Variants in CAST observed in about 807,000 individuals in gnomAD.
CAST encodes MIR583 host.
In CAST, 76 loss-of-function variants were observed where a neutral mutation model predicts 119.6. The ratio of observed to expected loss-of-function variants is 0.64; its 90% CI spans 0.53 to 0.77. The LOEUF (loss-of-function observed/expected upper bound fraction) is 0.77. CAST is among the 30% of genes least tolerant of loss of function. The pLI is 0.00. For synonymous variants in CAST, 319 were observed against 331.6 expected, an observed-to-expected ratio of 0.96 and a Z score of 0.41; for missense variants, 953 against 946.5, an observed-to-expected ratio of 1.01 and a Z score of -0.09.
At chr5:96,618,761 C>G (rs1041077543) in intron 1 of CAST, among the ~76,000 whole-genome samples, 1 of 152,176 alleles carries the variant, frequency 6.6e-6, no homozygotes, top group African/African-American at 2.4e-5. Context: ...GGGCAGGGCT[C>G]GGGACCTGCA....
chr5:96,412,499 CAAAAT>C, the CAST span: 4 of 1,612,728 alleles, frequency 2.5e-6, no homozygotes, highest in Non-Finnish European at 2.5e-6. Flanking sequence ...GCCTGAGAAA[CAAAAT>C]AAACAAAGAC....
the CAST span, among the ~76,000 whole-genome samples, chr5:96,202,578 A>G: frequency 6.6e-6 from 1 of 152,136 alleles, no homozygotes; most frequent in Non-Finnish European, 1.5e-5. Flanking sequence ...TAGCAAAACA[A>G]AACAAAACTT....
intron 3 of CAST, among the ~76,000 whole-genome samples, chr5:96,710,282 G>A (rs530376282): frequency 6.6e-6 from 1 of 152,282 alleles, no homozygotes; most frequent in African/African-American, 2.4e-5. Flanking sequence ...ATTGTCACCA[G>A]GAATAGAGCA....
the CAST span, among the ~76,000 whole-genome samples, chr5:96,199,417 T>G: frequency 6.6e-6 from 1 of 152,168 alleles, no homozygotes; most frequent in African/African-American, 2.4e-5. Context: ...CAAATATTCC[T>G]TCACACTAAA....
chr5:96,243,270 G>A, the CAST span, among the ~76,000 whole-genome samples: 1 of 150,156 alleles, frequency 6.7e-6, no homozygotes, highest in Non-Finnish European at 1.5e-5. Context: ...TTTCTCTCTG[G>A]CAATGGAAGT....
the CAST span, among the ~76,000 whole-genome samples, chr5:96,127,732 C>A: frequency 1.3e-5 from 2 of 152,006 alleles, no homozygotes; most frequent in Non-Finnish European, 2.9e-5. Context: ...GCTTTTTTGG[C>A]ATCAAATGCT....
the CAST span, among the ~76,000 whole-genome samples, chr5:95,983,764 G>A: frequency 6.6e-6 from 1 of 152,114 alleles, no homozygotes; most frequent in African/African-American, 2.4e-5. Flanking sequence ...CCTCTAAGGG[G>A]TGCACCTGGG....
the CAST span, among the ~76,000 whole-genome samples, chr5:95,991,501 T>G: frequency 2.1e-5 from 3 of 140,444 alleles, no homozygotes; most frequent in Admixed American, 1.4e-4. Flanking sequence ...AGTTTTGTTT[T>G]TTTTTTTTTT....
intron 2 of CAST, among the ~76,000 whole-genome samples, chr5:96,692,400 AC>A (rs1752827988): frequency 1.3e-5 from 2 of 152,152 alleles, no homozygotes; most frequent in Admixed American, 6.5e-5. Flanking sequence ...CCTGGAAGAA[AC>A]TGATGATCCC....
chr5:96,654,729 T>G (rs1336759931), intron 1 of CAST, among the ~76,000 whole-genome samples: 1 of 152,180 alleles, frequency 6.6e-6, no homozygotes, highest in Non-Finnish European at 1.5e-5. Flanking sequence ...GCATCTGGAT[T>G]TTCAAGAATA....
chr5:96,558,859 A>G (rs886367829), intron 1 of CAST, among the ~76,000 whole-genome samples: 24 of 152,200 alleles, frequency 1.6e-4, no homozygotes, highest in Non-Finnish European at 1.5e-5. Context: ...TCATTTTATG[A>G]GGCCAGCATC....
Position 96,748,502 on chromosome 5 carries a change from ACTT to A in CAST, c.1333-12_1333-10del. 1 of 1,301,162 alleles carries A rather than the reference ACTT, an allele frequency of 7.7e-7. No homozygotes were observed. The highest frequency in any genetic ancestry group is 1.1e-6 in the Non-Finnish European group (1 of 906,036). The allele number at this position is 1,301,162 out of a possible 1,614,324, so 80.6% of individuals were successfully genotyped here. On this transcript the variant is annotated splice_polypyrimidine_tract_variant and intron_variant, in intron 18 of 31. Transcript: ENST00000675179. ...AAAGAGTCCCCTTGTAATATACAGC[ACTT>A]CTTATATTACAGCCTCGGAGTGAAT...
At chr5:96,415,168 A>G in the CAST span, among the ~76,000 whole-genome samples, 2 of 151,928 alleles carry the variant, frequency 1.3e-5, no homozygotes, top group Non-Finnish European at 2.9e-5. Context: ...TACACTTTCC[A>G]CTCTTCTCCA....
the CAST span, among the ~76,000 whole-genome samples, chr5:96,154,677 C>A: frequency 6.6e-6 from 1 of 152,284 alleles, no homozygotes; most frequent in East Asian, 1.9e-4. Context: ...CAGACTTTTC[C>A]TGTGTTTGAT....
chr5:96,201,123 C>A, the CAST span, among the ~76,000 whole-genome samples: 2 of 151,840 alleles, frequency 1.3e-5, no homozygotes, highest in Non-Finnish European at 1.5e-5. Context: ...GAATTATCTG[C>A]AATAAAATGA....
At chr5:96,727,994 G>C (rs987960732) in intron 6 of CAST, among the ~76,000 whole-genome samples, 1 of 152,100 alleles carries the variant, frequency 6.6e-6, no homozygotes, top group Non-Finnish European at 1.5e-5. Flanking sequence ...TACCTCAGTT[G>C]GTGGAGCTAG....
At chr5:96,496,395 G>A in the CAST span, among the ~76,000 whole-genome samples, 3 of 152,036 alleles carry the variant, frequency 2.0e-5, no homozygotes, top group Admixed American at 1.3e-4. Context: ...CTGGCCCCTC[G>A]GCTTCTAATT....
the CAST span, among the ~76,000 whole-genome samples, chr5:96,110,385 A>G: frequency 1.3e-5 from 2 of 152,232 alleles, no homozygotes; most frequent in Non-Finnish European, 2.9e-5. Context: ...CTGATAAAGT[A>G]AGATCTGAAT....
chr5:96,072,046 A>G, the CAST span, among the ~76,000 whole-genome samples: 2 of 152,216 alleles, frequency 1.3e-5, no homozygotes, highest in Non-Finnish European at 2.9e-5. Context: ...TTAGAAAAGA[A>G]AACTTAAATT....
Sources: allele counts gnomAD v4.1 joint callset (sites outside exome capture counted in the v4.1 genomes callset), GRCh38; gene constraint gnomAD v4.1.1; transcripts MANE v1.5; gene names NCBI Gene and HGNC (gene_info 2026-07-23, HGNC 2026-07-21).